The following UBR3 variants were observed in gnomAD, a reference collection of about 807,000 sequenced individuals.
The protein encoded by UBR3 is ubiquitin protein ligase E3 component n-recognin 3, also known as E3 ubiquitin-protein ligase UBR3.
In UBR3, 85 loss-of-function variants were observed where a neutral mutation model predicts 243.2. The ratio of observed to expected loss-of-function variants is 0.35; its 90% CI spans 0.29 to 0.42. UBR3 has a LOEUF of 0.42. UBR3 is among the 10% of genes least tolerant of loss of function. The pLI is 1.00. For synonymous variants in UBR3, 748 were observed against 799.8 expected (o/e 0.94, Z 1.09); for missense variants, 1,686 against 2,300.8 (o/e 0.73, Z 5.47).
At chr2:170,078,459 A>G (rs1296968254) in intron 36 of UBR3, among the ~76,000 whole-genome samples, 1 of 152,208 alleles carries the variant, frequency 6.6e-6, no homozygotes, top group Non-Finnish European at 1.5e-5. Context: ...CTTGTTTCCC[A>G]TACATATGCA....
intron 33 of UBR3, among the ~76,000 whole-genome samples, chr2:170,058,275 G>T (rs893007446): frequency 5.9e-5 from 9 of 151,804 alleles, no homozygotes; most frequent in African/African-American, 2.2e-4. Flanking sequence ...TAATGAAAAC[G>T]TATTTTTGCC....
At chr2:169,849,520 C>G (rs1328628702) in intron 1 of UBR3, among the ~76,000 whole-genome samples, 3 of 152,188 alleles carry the variant, frequency 2.0e-5, no homozygotes, top group Non-Finnish European at 2.9e-5. Flanking sequence ...GTCTTGAACT[C>G]TTGACCTCAA....
At chr2:169,842,521 C>T (rs2082332506) in intron 1 of UBR3, among the ~76,000 whole-genome samples, 1 of 152,196 alleles carries the variant, frequency 6.6e-6, no homozygotes, top group Non-Finnish European at 1.5e-5. Flanking sequence ...CTACTGCTCA[C>T]TCTTTGGGTC....
chr2:169,982,721 A>G (rs1450816196), intron 24 of UBR3, among the ~76,000 whole-genome samples: 3 of 152,166 alleles, frequency 2.0e-5, no homozygotes, highest in East Asian at 1.9e-4. Context: ...AAGTACTTCA[A>G]TTCTTTTGAG....
intron 38 of UBR3, 43 bp downstream of exon 38, chr2:170,080,727 G>A (rs1234735562): frequency 6.3e-7 from 1 of 1,591,204 alleles, no homozygotes; most frequent in Admixed American, 1.8e-5. Context: ...ATTGAAATTT[G>A]GTCAGTGAAA....
intron 25 of UBR3, among the ~76,000 whole-genome samples, chr2:169,987,020 A>G (rs369760741): frequency 2.0e-4 from 31 of 152,152 alleles, no homozygotes; most frequent in Middle Eastern, 3.4e-3. Flanking sequence ...TGGTTTCACA[A>G]TTTTTTTCTT....
chr2:169,945,825 T>C (rs1341915376), intron 20 of UBR3, among the ~76,000 whole-genome samples: 3 of 152,164 alleles, frequency 2.0e-5, no homozygotes, highest in Non-Finnish European at 4.4e-5. Flanking sequence ...TTGCATTCCT[T>C]CTACCTTTCT....
rs2085000946 is a variant in UBR3, at chr2:169,906,139, G to C, written c.1754G>C (p.Gly585Ala). ...GAGGCCTGTGCACAGCCAATGTGGG[G>C]GCTTTTATCACATTGTAAAGTTAGG... ...ELEACAQPMW[G>A]LLSHCKVRET... The change falls in exon 10 of 39, where the codon GGG (glycine) becomes GCG (alanine). Residue 585 changes from glycine (G) to alanine (A), a missense_variant. By Grantham distance (60) the Gly-to-Ala change is moderately conservative. This residue lies in a region of UBR3 where 346 missense variants were observed against 585.8 expected (regional missense o/e 0.59). Coordinates refer to ENST00000272793, the MANE Select transcript of UBR3 (RefSeq NM_172070.4). 2 of 1,547,628 alleles carry C rather than the reference G, an allele frequency of 1.3e-6. No individual in the cohort carries two copies. Among genetic ancestry groups the C allele is most frequent in the African/African-American group, 2.7e-5 (2 of 72,770 alleles).
intron 18 of UBR3, among the ~76,000 whole-genome samples, chr2:169,931,789 G>T (rs1297753220): frequency 6.6e-6 from 1 of 151,938 alleles, no homozygotes; most frequent in East Asian, 1.9e-4. Flanking sequence ...TCCTAAGCGT[G>T]ATTATTAGTG....
chr2:170,045,013 A>T (rs1306170137), intron 32 of UBR3, among the ~76,000 whole-genome samples: 1 of 152,204 alleles, frequency 6.6e-6, no homozygotes, highest in Admixed American at 6.5e-5. Context: ...TAAAATCATC[A>T]TCCTTTATAG....
chr2:169,896,291 G>GA (rs869094886), intron 7 of UBR3, among the ~76,000 whole-genome samples: 3 of 150,866 alleles, frequency 2.0e-5, no homozygotes, highest in Non-Finnish European at 4.4e-5. Context: ...CGTTTTGGGG[G>GA]AAAAAAATTT....
Position 170,077,033 on chromosome 2 carries a change from G to A in UBR3, c.5200-2781G>A, listed in dbSNP as rs527407953. Among the ~76,000 whole-genome samples the A allele has an allele frequency of 3.3e-5, 5 of 152,300 alleles. No individual in the cohort carries two copies. The South Asian group carries it at 1.0e-3, about 32-fold the overall frequency. ...TAGACAGTACATAGCTTGTAAATCC[G>A]CAGAAGAGTCCGGAATAGCAGTGAA... On this transcript the variant is annotated intron_variant, in intron 36 of 38. Coordinates refer to ENST00000272793, the MANE Select transcript of UBR3 (RefSeq NM_172070.4).
chr2:169,862,530 C>T (rs2083128485), intron 1 of UBR3, among the ~76,000 whole-genome samples: 1 of 152,228 alleles, frequency 6.6e-6, no homozygotes, highest in Non-Finnish European at 1.5e-5. Flanking sequence ...ATCAATACTT[C>T]TGATGATTTC....
At chr2:169,903,164 T>C (rs2084894010) in intron 8 of UBR3, among the ~76,000 whole-genome samples, 1 of 152,230 alleles carries the variant, frequency 6.6e-6, no homozygotes, top group Non-Finnish European at 1.5e-5. Flanking sequence ...ATATCTGTAA[T>C]GAGGAAAGTA....
intron 1 of UBR3, among the ~76,000 whole-genome samples, chr2:169,857,362 C>A (rs1317709112): frequency 2.6e-5 from 4 of 151,960 alleles, no homozygotes; most frequent in Admixed American, 6.6e-5. Context: ...GCCACTGCGC[C>A]CGGCCCCATT....
chr2:170,081,219 G>A (rs955634617), intron 38 of UBR3, among the ~76,000 whole-genome samples: 1 of 151,448 alleles, frequency 6.6e-6, no homozygotes, highest in Non-Finnish European at 1.5e-5. Context: ...AAGAAATGTG[G>A]TAGGTGTGGT....
chr2:169,943,193 A>C (rs985026958), intron 20 of UBR3, among the ~76,000 whole-genome samples: 4 of 152,222 alleles, frequency 2.6e-5, no homozygotes, highest in Non-Finnish European at 4.4e-5. Flanking sequence ...CTTCTCACGT[A>C]AGACAGATTT....
At chr2:169,968,787 A>G (rs1240344307) in intron 24 of UBR3, among the ~76,000 whole-genome samples, 3 of 152,186 alleles carry the variant, frequency 2.0e-5, no homozygotes, top group Non-Finnish European at 4.4e-5. Context: ...TAGTTGCTAT[A>G]CTAATTTACA....
At chr2:169,967,236 C>T (rs1357220201) in intron 24 of UBR3, among the ~76,000 whole-genome samples, 1 of 130,908 alleles carries the variant, frequency 7.6e-6, no homozygotes, top group Non-Finnish European at 1.7e-5. Context: ...GTATGCCCCC[C>T]CCACCCCCCT....
Sources: gnomAD v4.1 joint callset for allele counts (sites outside exome capture counted in the v4.1 genomes callset) on GRCh38, gnomAD v4.1.1 for gene constraint, gnomAD v4.1.1 regional missense constraint, MANE v1.5 for transcripts, NCBI Gene and HGNC (gene_info 2026-07-23, HGNC 2026-07-21) for gene names.